Variants in WAPL observed in about 807,000 individuals in gnomAD.
WAPL encodes the protein wings apart-like protein homolog.
WAPL carries 5 observed loss-of-function variants against 121.0 expected under a neutral mutation model. The observed-to-expected ratio is 0.04, with a 90% CI of 0.02 to 0.09. WAPL has a LOEUF of 0.09. WAPL is among the 10% of genes least tolerant of loss of function. WAPL has a pLI of 1.00. For missense variants in WAPL, 999 were observed against 1,410.8 expected (o/e 0.71, Z 4.68); for synonymous variants, 480 against 481.5 (o/e 1.00, Z 0.04).
intron 4 of WAPL, among the ~76,000 whole-genome samples, chr10:86,479,587 T>C (rs1324542400): frequency 1.3e-5 from 2 of 152,214 alleles, no homozygotes; most frequent in African/African-American, 4.8e-5. Flanking sequence ...CATAAATACT[T>C]TATGAACAAG....
At chr10:86,488,241 A>G (rs1320472120) in intron 4 of WAPL, among the ~76,000 whole-genome samples, 6 of 152,236 alleles carry the variant, frequency 3.9e-5, no homozygotes, top group African/African-American at 1.4e-4. Context: ...CAGTATATGC[A>G]TATTTTTACA....
In WAPL at chr10:86,480,075, C is replaced by T. The variant is rs1044346389; in HGVS notation, c.1645-6102G>A. Among the ~76,000 whole-genome samples the T allele has an allele frequency of 3.3e-5, 5 of 152,278 alleles. No individual in the cohort carries two copies. The East Asian group carries it at 7.7e-4, about 23-fold the overall frequency. On this transcript the variant is annotated intron_variant, in intron 4 of 18. Transcript: ENST00000298767. Reference sequence around the variant, plus strand: ...ACAGAAACTCCTAAATTAAAACCAACAGCATCTGTACTATCAAGAATTAGA... The same window carrying T: ...ACAGAAACTCCTAAATTAAAACCAATAGCATCTGTACTATCAAGAATTAGA...
At chr10:86,470,064 G>A (rs10887613) in intron 8 of WAPL, among the ~76,000 whole-genome samples, 117,778 of 150,814 alleles carry the variant, frequency 0.78, 46,701 homozygotes, top group South Asian at 0.89. Context: ...ACAGAGTCTC[G>A]CTCTGTCTCC....
At chr10:86,453,977 T>C in intron 12 of WAPL, 146 bp from the exon 13 acceptor site, 1 of 703,666 alleles carries the variant, frequency 1.4e-6, no homozygotes, top group Non-Finnish European at 2.1e-6. Flanking sequence ...ATTCAAGGAA[T>C]GTTAAAATTA....
Position 86,467,231 on chromosome 10 carries a change from CTT to C in WAPL, c.2370+46_2370+47del, listed in dbSNP as rs749473788. ...CACAGCTACTGCAACTAACCAAAGA[CTT>C]TCTGAAAGTAATTCTCATCTTAGAA... On this transcript the variant is annotated intron_variant, in intron 9 of 18. Transcript: ENST00000298767. The C allele has an allele frequency of 9.0e-6, 14 of 1,562,088 alleles. No homozygotes were observed. In the East Asian group the frequency reaches 3.1e-4, roughly 35 times the overall value.
intron 4 of WAPL, among the ~76,000 whole-genome samples, chr10:86,489,551 G>C (rs1248308111): frequency 6.6e-6 from 1 of 152,134 alleles, no homozygotes; most frequent in Non-Finnish European, 1.5e-5. Flanking sequence ...GAAACATTTG[G>C]CAATGTCCAA....
intron 1 of WAPL, among the ~76,000 whole-genome samples, chr10:86,518,948 T>C (rs1473976695): frequency 2.0e-5 from 3 of 152,358 alleles, no homozygotes; most frequent in East Asian, 1.9e-4. Context: ...AAACTATCCT[T>C]ATCCTATCTG....
intron 9 of WAPL, chr10:86,467,010 T>TC (rs1841414210): frequency 2.9e-6 from 1 of 342,014 alleles, no homozygotes; most frequent in Admixed American, 4.5e-5. Flanking sequence ...CCCTTTTTTT[T>TC]CTTAAAAAAT....
intron 4 of WAPL, among the ~76,000 whole-genome samples, chr10:86,495,533 G>C (rs1842132450): frequency 6.6e-6 from 1 of 150,994 alleles, no homozygotes; most frequent in South Asian, 2.1e-4. Flanking sequence ...ACTTAAAATA[G>C]AACAACGATC....
intron 2 of WAPL, among the ~76,000 whole-genome samples, chr10:86,512,477 GAAATGGAAGTAGCCTTGCATAAA>G (rs1486081835): frequency 6.6e-6 from 1 of 152,206 alleles, no homozygotes; most frequent in Admixed American, 6.5e-5. Context: ...ACAAAGATGA[GAAATGGAAGTAGCCTTGCATAAA>G]AGGCAAGAGA....
chr10:86,488,711 T>C (rs571971574), intron 4 of WAPL, among the ~76,000 whole-genome samples: 7 of 152,350 alleles, frequency 4.6e-5, no homozygotes, highest in Non-Finnish European at 7.3e-5. Flanking sequence ...TCCATGTTCA[T>C]ACTGTAATAA....
intron 11 of WAPL, among the ~76,000 whole-genome samples, chr10:86,459,674 A>C (rs764547792): frequency 1.3e-4 from 20 of 152,254 alleles, no homozygotes; most frequent in Non-Finnish European, 2.9e-4. Flanking sequence ...ATATTATGAC[A>C]GGCCATGCCT....
intron 4 of WAPL, among the ~76,000 whole-genome samples, chr10:86,492,466 A>G (rs1842070013): frequency 6.6e-6 from 1 of 152,160 alleles, no homozygotes; most frequent in Non-Finnish European, 1.5e-5. Flanking sequence ...ATGTACTTTT[A>G]TTTTGTTGAG....
In WAPL at chr10:86,517,865, T is replaced by G. The variant is rs1294069068; in HGVS notation, c.205A>C (p.Thr69Pro). Reference sequence around the variant, plus strand: ...CTATCAAATCCAAAAGGATCTCCAGTACTTTCTTCTTCCACTTTAGGTTTC... The same window carrying G: ...CTATCAAATCCAAAAGGATCTCCAGGACTTTCTTCTTCCACTTTAGGTTTC... The part of the protein sequence containing the change: ...PKKPKVEEES[T>P]GDPFGFDSDD... Residue 69 changes from threonine to proline, a missense_variant, in exon 2 of 19, where the codon ACT becomes CCT. Thr to Pro is a conservative substitution (Grantham distance 38). This residue lies in a region of WAPL where 531 missense variants were observed against 563.1 expected (regional missense o/e 0.94). Transcript: ENST00000298767. The G allele has an allele frequency of 6.2e-7, 1 of 1,614,048 alleles. No homozygotes were observed. Among genetic ancestry groups the G allele is most frequent in the Non-Finnish European group, 8.5e-7 (1 of 1,180,014 alleles).
At position 86,443,170 on chromosome 10, in the gene WAPL, G is replaced by A. The variant is rs749440953; in HGVS notation, c.3411+105C>T. ...CTTTGTGGAATAAGTTGGACATTAA[G>A]GGGGAAACACTGAAGAAATAAATAA... On this transcript the variant is annotated intron_variant, in intron 17 of 18. Transcript: ENST00000298767. The A allele has an allele frequency of 1.1e-4, 94 of 842,894 alleles. 1 individual carries two copies. In the Middle Eastern group the frequency reaches 1.4e-3, roughly 13 times the overall value. The allele number at this position is 842,894 out of a possible 1,614,324, so 52.2% of individuals were successfully genotyped here.
In WAPL at chr10:86,472,438, G is replaced by T; in HGVS notation, c.1894-94C>A. The T allele has an allele frequency of 6.6e-7, 1 of 1,519,770 alleles. No individual in the cohort carries two copies. Among genetic ancestry groups the T allele is most frequent in the Non-Finnish European group, 8.8e-7 (1 of 1,132,932 alleles). 94.1% of individuals were successfully genotyped at this position (1,519,770 alleles called of 1,614,324 possible). On this transcript the variant is annotated intron_variant, in intron 6 of 18. Transcript: ENST00000298767. This position sits in a 1 kb window ranked among gnomAD's most constrained non-coding sequence, Gnocchi z 4.2. ...GTACTTTACATAAGTGCATAAAATA[G>T]TTCATTAGATGGCAACAAAAATATT... is the stretch of plus-strand genomic sequence containing the variant.
Position 86,435,748 on chromosome 10 carries a change from G to A in WAPL, c.*1795C>T, listed in dbSNP as rs1849304358. 1 of 152,498 alleles carries A rather than the reference G, an allele frequency of 6.6e-6. No homozygotes were observed. Among genetic ancestry groups the A allele is most frequent in the South Asian group, 2.1e-4 (1 of 4,826 alleles). 9.4% of individuals were successfully genotyped at this position (152,498 alleles called of 1,614,324 possible). ...CAGAAAAATGCAGTTCGCCCTGATTGTTCTCATCCAAATGTTTTATAATAT... is the reference window on the plus strand; with the variant it reads ...CAGAAAAATGCAGTTCGCCCTGATTATTCTCATCCAAATGTTTTATAATAT... On this transcript the variant is annotated 3_prime_UTR_variant, in exon 19 of 19. Coordinates refer to ENST00000298767, the MANE Select transcript of WAPL (RefSeq NM_015045.5).
At chr10:86,458,591 A>G (rs1379666048) in intron 12 of WAPL, among the ~76,000 whole-genome samples, 1 of 152,174 alleles carries the variant, frequency 6.6e-6, no homozygotes, top group Non-Finnish European at 1.5e-5. Flanking sequence ...GATACTTTAA[A>G]AATCATTTAA....
intron 15 of WAPL, among the ~76,000 whole-genome samples, chr10:86,449,578 T>C (rs1320069018): frequency 6.6e-6 from 1 of 152,174 alleles, no homozygotes; most frequent in Non-Finnish European, 1.5e-5. Flanking sequence ...GTAGGAAAAT[T>C]TGAGACTATC....
Sources: allele counts gnomAD v4.1 joint callset (sites outside exome capture counted in the v4.1 genomes callset), GRCh38; gene constraint gnomAD v4.1.1; regional missense constraint gnomAD v4.1.1; non-coding constraint Gnocchi (gnomAD v3.1); transcripts MANE v1.5; gene names NCBI Gene and HGNC (gene_info 2026-07-23, HGNC 2026-07-21).